The following CEACAM20 variants were observed in gnomAD, a reference collection of about 807,000 sequenced individuals.
CEACAM20 encodes cell adhesion molecule CEACAM20.
In CEACAM20, 50 loss-of-function variants were observed where a neutral mutation model predicts 61.2. That is an observed-to-expected ratio of 0.82 (90% CI 0.65 to 1.03). CEACAM20 has a LOEUF of 1.03. Among genes scored for constraint, CEACAM20 ranks in the 50% least tolerant of loss-of-function variants. The pLI is 0.00. For synonymous variants in CEACAM20, 282 were observed against 287.7 expected, an observed-to-expected ratio of 0.98 and a Z score of 0.20; for missense variants, 683 against 736.4, an observed-to-expected ratio of 0.93 and a Z score of 0.84.
chr19:44,517,044 C>T lies in CEACAM20; in HGVS notation c.1211G>A (p.Arg404Lys). The T allele has an allele frequency of 6.2e-7, 1 of 1,602,444 alleles. No homozygotes were observed. The highest frequency in any genetic ancestry group is 8.5e-7 in the Non-Finnish European group (1 of 1,174,762). The change falls in exon 6 of 12, where the codon AGG (arginine) becomes AAG (lysine). Residue 404 changes from arginine (R) to lysine (K), a missense_variant. Arg to Lys is a conservative substitution (Grantham distance 26). Transcript: ENST00000614924. ...GEHLGEQLII[R>K]ALTWEHDGIY... ...CCCGTCGTGTTCCCAGGTCAGAGCC[C>T]TGATAATCAGCTGCTCACCCAGGTG... is the stretch of plus-strand genomic sequence containing the variant.
At chr19:44,507,221 G>C (rs563018194) in intron 11 of CEACAM20, among the ~76,000 whole-genome samples, 1 of 152,138 alleles carries the variant, frequency 6.6e-6, no homozygotes, top group Non-Finnish European at 1.5e-5. Flanking sequence ...CTTACTAGGT[G>C]GTATTTCTGG....
chr19:44,518,508 G>T (rs1237365957), intron 5 of CEACAM20, among the ~76,000 whole-genome samples: 1 of 152,102 alleles, frequency 6.6e-6, no homozygotes, highest in African/African-American at 2.4e-5. Flanking sequence ...GGAGGCTGAG[G>T]CAGGGAGATC....
In CEACAM20 at chr19:44,517,097, G is replaced by A; in HGVS notation, c.1158C>T (p.Arg386=). ...CCCCGGTGGAGTGTTCAAGAGTCCAGCGATACTCAGCACCTGGCTTGGACT... is the reference window on the plus strand; with the variant it reads ...CCCCGGTGGAGTGTTCAAGAGTCCAACGATACTCAGCACCTGGCTTGGACT... ...WAESKPGAEY[R]WTLEHSTGEH... is the part of the protein sequence containing the mutation. Residue 386 remains arginine (R), a synonymous_variant, in exon 6 of 12, where the codon CGC becomes CGT. Transcript: ENST00000614924. The A allele has an allele frequency of 1.9e-6, 3 of 1,611,986 alleles. No individual in the cohort carries two copies. Among genetic ancestry groups the A allele is most frequent in the Non-Finnish European group, 2.5e-6 (3 of 1,179,106 alleles).
chr19:44,523,610 T>A (rs1208263658), intron 3 of CEACAM20, among the ~76,000 whole-genome samples: 1 of 151,852 alleles, frequency 6.6e-6, no homozygotes, highest in East Asian at 2.0e-4. Flanking sequence ...AGAGATGGGA[T>A]CTTGGTATGT....
intron 5 of CEACAM20, among the ~76,000 whole-genome samples, chr19:44,517,809 C>G (rs992932798): frequency 6.6e-6 from 1 of 151,994 alleles, no homozygotes; most frequent in Non-Finnish European, 1.5e-5. Context: ...TGGCTCACAC[C>G]TGTAATCTTA....
At position 44,524,058 on chromosome 19, in the gene CEACAM20, C is replaced by T; in HGVS notation, c.400G>A (p.Gly134Arg). 1 of 1,569,648 alleles carries T rather than the reference C, an allele frequency of 6.4e-7. No individual in the cohort carries two copies. The highest frequency in any genetic ancestry group is 8.6e-7 in the Non-Finnish European group (1 of 1,156,572). ...TILIVQREDS[G>R]TYQCEARDAL... is the part of the protein sequence containing the mutation. ...TCTCGAGCTTCACATTGGTAAGTCCCTGAGTCCTCCCGCTGGACAATGAGA... is the reference window on the plus strand; with the variant it reads ...TCTCGAGCTTCACATTGGTAAGTCCTTGAGTCCTCCCGCTGGACAATGAGA... Residue 134 changes from glycine to arginine, a missense_variant, in exon 3 of 12, where the codon GGG (glycine) becomes AGG (arginine). Transcript: ENST00000614924.
chr19:44,517,708 A>G (rs1275231221), intron 5 of CEACAM20, among the ~76,000 whole-genome samples: 6 of 151,572 alleles, frequency 4.0e-5, no homozygotes, highest in Non-Finnish European at 7.4e-5. Context: ...AAAAAAAAAA[A>G]AAAAGAAAAA....
rs750545140 is a variant in CEACAM20, at chr19:44,529,500, C to T, written c.10G>A (p.Ala4Thr). 6 of 1,613,804 alleles carry T rather than the reference C, an allele frequency of 3.7e-6. 1 individual carries two copies. Among genetic ancestry groups the T allele is most frequent in the East Asian group, 4.5e-5 (2 of 44,868 alleles). MGP[A>T]DSWGHHWMGI... Reference sequence around the variant, plus strand: ...ATCCAGTGGTGTCCCCATGAGTCAGCAGGCCCCATGGGTCCCGGCACCTGA... The same window carrying T: ...ATCCAGTGGTGTCCCCATGAGTCAGTAGGCCCCATGGGTCCCGGCACCTGA... The change falls in exon 1 of 12, where the codon GCT (alanine) becomes ACT (threonine). Residue 4 changes from alanine (A) to threonine (T), a missense_variant. Physicochemically the swap from Ala to Thr is moderately conservative, Grantham distance 58. Coordinates refer to ENST00000614924, the MANE Select transcript of CEACAM20 (RefSeq NM_001102597.3).
rs560225428 is a variant in CEACAM20, at chr19:44,507,795, C to T, written c.1738-1581G>A. Among the ~76,000 whole-genome samples the T allele has an allele frequency of 2.0e-5, 3 of 152,230 alleles. No individual in the cohort carries two copies. In the South Asian group the frequency reaches 6.2e-4, roughly 32 times the overall value. Reference sequence around the variant, plus strand: ...TCTGTAATCCCAATACTCTGGGAGGCCAAGGTGGGATGATCGCTTGAGCCC... The same window carrying T: ...TCTGTAATCCCAATACTCTGGGAGGTCAAGGTGGGATGATCGCTTGAGCCC... On this transcript the variant is annotated intron_variant, in intron 11 of 11. Transcript: ENST00000614924.
Position 44,529,432 on chromosome 19 carries a change from G to T in CEACAM20, c.52+26C>A, listed in dbSNP as rs376637944. On this transcript the variant is annotated intron_variant, in intron 1 of 11. Coordinates refer to ENST00000614924, the MANE Select transcript of CEACAM20 (RefSeq NM_001102597.3). Reference sequence around the variant, plus strand: ...AGATGCATACAACCTCCCTCCTCCCGCATCTGAAGGAAGCAGGGCACTCAC... The same window carrying T: ...AGATGCATACAACCTCCCTCCTCCCTCATCTGAAGGAAGCAGGGCACTCAC... The T allele has an allele frequency of 3.1e-6, 5 of 1,602,480 alleles. No individual in the cohort carries two copies. In the African/African-American group the frequency reaches 4.2e-5, roughly 13 times the overall value.
intron 1 of CEACAM20, among the ~76,000 whole-genome samples, chr19:44,528,459 C>A (rs543663462): frequency 2.0e-5 from 3 of 152,206 alleles, no homozygotes; most frequent in South Asian, 2.1e-4. Flanking sequence ...CTCCTGACTG[C>A]GTGATCCACC....
chr19:44,515,089 C>T (rs1372866394), intron 6 of CEACAM20, among the ~76,000 whole-genome samples: 1 of 152,156 alleles, frequency 6.6e-6, no homozygotes, highest in African/African-American at 2.4e-5. Flanking sequence ...CCACCTGCCT[C>T]AACCTCCCAA....
At position 44,508,769 on chromosome 19, in the gene CEACAM20, A is replaced by G. The variant is rs1021772933; in HGVS notation, c.1737+2261T>C. Among the ~76,000 whole-genome samples, 3 of 152,208 alleles carry G rather than the reference A, an allele frequency of 2.0e-5. No individual in the cohort carries two copies. The East Asian group carries it at 5.8e-4, about 29-fold the overall frequency. ...ACCAGGAAGCTTAGAGACACATAAG[A>G]GATATAGTGGCAGATATCACGTAGG... On this transcript the variant is annotated intron_variant, in intron 11 of 11. Coordinates refer to ENST00000614924, the MANE Select transcript of CEACAM20 (RefSeq NM_001102597.3).
At chr19:44,514,763 C>G (rs1971105893) in intron 6 of CEACAM20, among the ~76,000 whole-genome samples, 1 of 151,992 alleles carries the variant, frequency 6.6e-6, no homozygotes, top group East Asian at 1.9e-4. Flanking sequence ...CTGGCCGCAT[C>G]TCCATTTCTT....
Position 44,517,073 on chromosome 19 carries a change from C to G in CEACAM20, c.1182G>C (p.Gly394=), listed in dbSNP as rs1432782551. ...EYRWTLEHST[G]EHLGEQLIIR... ...TAATCAGCTGCTCACCCAGGTGCTC[C>G]CCGGTGGAGTGTTCAAGAGTCCAGC... Residue 394 remains glycine (G), a synonymous_variant, in exon 6 of 12, where the codon GGG becomes GGC. Transcript: ENST00000614924. 1 of 1,608,418 alleles carries G rather than the reference C, an allele frequency of 6.2e-7. No homozygotes were observed. The highest frequency in any genetic ancestry group is 2.2e-5 in the East Asian group (1 of 44,702).
chr19:44,511,931 G>T, intron 9 of CEACAM20, 86 bp downstream of exon 9: 1 of 1,318,664 alleles, frequency 7.6e-7, no homozygotes, highest in Non-Finnish European at 1.1e-6. Context: ...TTTCTCAAAA[G>T]ATCATGCCAG....
chr19:44,511,818 G>T (rs1312252862), intron 9 of CEACAM20, 146 bp from the exon 10 acceptor site: 4 of 983,312 alleles, frequency 4.1e-6, no homozygotes, highest in Admixed American at 4.6e-5. Context: ...TCATGTCAAA[G>T]AATAAGAAGA....
intron 6 of CEACAM20, 120 bp from the exon 7 acceptor site, chr19:44,513,409 G>A (rs1225113729): frequency 3.4e-6 from 2 of 594,092 alleles, no homozygotes; most frequent in Non-Finnish European, 5.8e-6. Context: ...TTTTCCAGTC[G>A]TTGGGAGGTA....
chr19:44,525,552 C>T (rs1324001686), intron 1 of CEACAM20, among the ~76,000 whole-genome samples: 1 of 152,196 alleles, frequency 6.6e-6, no homozygotes, highest in Non-Finnish European at 1.5e-5. Context: ...AAGGGATTCT[C>T]CAGCCTCAGC....
Sources: allele counts gnomAD v4.1 joint callset (sites outside exome capture counted in the v4.1 genomes callset), GRCh38; gene constraint gnomAD v4.1.1; transcripts MANE v1.5; gene names NCBI Gene and HGNC (gene_info 2026-07-23, HGNC 2026-07-21).